The following EYA4 variants were observed in gnomAD, a reference collection of about 807,000 sequenced individuals.
EYA4 encodes EYA transcriptional coactivator and phosphatase 4.
In EYA4, 31 loss-of-function variants were observed where a neutral mutation model predicts 87.9. The observed-to-expected ratio is 0.35, with a 90% CI of 0.27 to 0.48. EYA4 has a LOEUF of 0.48. Among genes scored for constraint, EYA4 ranks in the 20% least tolerant of loss-of-function variants. The pLI, the probability that EYA4 is intolerant of heterozygous loss-of-function variation, is 0.99. For missense variants in EYA4, 678 were observed against 761.4 expected, an observed-to-expected ratio of 0.89 and a Z score of 1.29; for synonymous variants, 263 against 270.6, an observed-to-expected ratio of 0.97 and a Z score of 0.28.
intron 18 of EYA4, among the ~76,000 whole-genome samples, chr6:133,524,712 A>G (rs931780890): frequency 6.6e-6 from 1 of 152,224 alleles, no homozygotes; most frequent in African/African-American, 2.4e-5. Flanking sequence ...AGAATTAAAC[A>G]AAGGTTAAAA....
Position 133,417,783 on chromosome 6 carries a change from G to A in EYA4, c.84-28847G>A, listed in dbSNP as rs535028350. 4.6e-5 allele frequency among the ~76,000 whole-genome samples: 7 copies of A among 152,278 alleles called. No individual in the cohort carries two copies. In the South Asian group the frequency reaches 1.5e-3, roughly 32 times the overall value. ...CCTTTACATAGAAATAAGGCTCAAA[G>A]GGTTTAAATGTTTGCCTAAAGTCAT... On this transcript the variant is annotated intron_variant, in intron 3 of 19. Transcript: ENST00000355286.
At chr6:133,263,773 T>G (rs1775985116) in intron 1 of EYA4, among the ~76,000 whole-genome samples, 1 of 152,134 alleles carries the variant, frequency 6.6e-6, no homozygotes, top group Non-Finnish European at 1.5e-5. Context: ...GTGTTAGAAT[T>G]TAGTGTAATG....
At chr6:133,360,313 C>A (rs974490832) in intron 2 of EYA4, 1 of 152,086 alleles carries the variant, frequency 6.6e-6, no homozygotes, top group Non-Finnish European at 1.5e-5. Context: ...ACGACTTTTA[C>A]TTACTTTATT....
At chr6:133,528,577 T>A (rs1800815623) in intron 19 of EYA4, 148 bp from the exon 20 acceptor site, 2 of 768,636 alleles carry the variant, frequency 2.6e-6, no homozygotes, top group Non-Finnish European at 4.8e-6. Context: ...CATATGATCA[T>A]CCCGCCTTTA....
At chr6:133,496,630 T>C (rs765861167) in intron 13 of EYA4, among the ~76,000 whole-genome samples, 3 of 86,476 alleles carry the variant, frequency 3.5e-5, no homozygotes, top group African/African-American at 5.4e-5. Context: ...TGTGCCTGGC[T>C]GTGCCTAAGG....
intron 11 of EYA4, 122 bp downstream of exon 11, chr6:133,468,853 T>G (rs914888719): frequency 4.1e-6 from 4 of 970,140 alleles, no homozygotes; most frequent in Admixed American, 1.8e-5. Flanking sequence ...ATGTTTAATC[T>G]GTGTTAGCAT....
chr6:133,329,770 G>A (rs1055718241), intron 2 of EYA4, among the ~76,000 whole-genome samples: 1 of 152,062 alleles, frequency 6.6e-6, no homozygotes, highest in Non-Finnish European at 1.5e-5. Context: ...TGCTGTTGTA[G>A]TAGTGTACAA....
At chr6:133,290,038 C>G (rs1252706231) in intron 2 of EYA4, among the ~76,000 whole-genome samples, 1 of 152,200 alleles carries the variant, frequency 6.6e-6, no homozygotes, top group Non-Finnish European at 1.5e-5. Context: ...TAACTAGATT[C>G]TGAGCCCCAG....
chr6:133,526,479 A>G (rs1453386976), intron 19 of EYA4, among the ~76,000 whole-genome samples: 1 of 152,208 alleles, frequency 6.6e-6, no homozygotes, highest in Non-Finnish European at 1.5e-5. Context: ...GTCGATTTAA[A>G]TCAAGCAAAA....
intron 2 of EYA4, among the ~76,000 whole-genome samples, chr6:133,288,431 A>G (rs975995029): frequency 6.6e-6 from 1 of 152,204 alleles, no homozygotes; most frequent in Non-Finnish European, 1.5e-5. Context: ...GACTTGGAGG[A>G]GGAAAAAGAT....
chr6:133,428,911 C>CTGTTTTTTTTTTTTT (rs1790919198), intron 3 of EYA4, among the ~76,000 whole-genome samples: 1 of 48,230 alleles, frequency 2.1e-5, no homozygotes, highest in Non-Finnish European at 3.6e-5. Context: ...GATTTAGCTT[C>CTGTTTTTTTTTTTTT]TTTTTTTTTT....
At chr6:133,275,385 C>T (rs9385642) in intron 2 of EYA4, among the ~76,000 whole-genome samples, 44,025 of 151,906 alleles carry the variant, frequency 0.29, 6,630 homozygotes, top group Non-Finnish European at 0.33. Context: ...AGTTCTTTAG[C>T]GTGTGGAACT....
intron 7 of EYA4, among the ~76,000 whole-genome samples, chr6:133,461,755 G>T (rs1794402442): frequency 6.7e-6 from 1 of 150,124 alleles, no homozygotes; most frequent in Non-Finnish European, 1.5e-5. Context: ...CTGAAGGTTG[G>T]ATATCCAATG....
At chr6:133,526,309 G>A (rs1252895849) in intron 19 of EYA4, among the ~76,000 whole-genome samples, 2 of 152,158 alleles carry the variant, frequency 1.3e-5, no homozygotes, top group East Asian at 3.9e-4. Flanking sequence ...AATGTCATCT[G>A]TATCACCCTA....
At chr6:133,431,838 C>A (rs1395515210) in intron 3 of EYA4, among the ~76,000 whole-genome samples, 3 of 151,900 alleles carry the variant, frequency 2.0e-5, no homozygotes, top group Non-Finnish European at 4.4e-5. Context: ...TATTTAAAAA[C>A]TTTTTTGGCA....
chr6:133,531,383 A>C lies in EYA4; in HGVS notation c.*2578A>C. The C allele has an allele frequency of 6.6e-6, 4 of 602,468 alleles. No homozygotes were observed. Among genetic ancestry groups the C allele is most frequent in the Non-Finnish European group, 1.1e-5 (4 of 355,242 alleles). 37.3% of individuals were successfully genotyped at this position (602,468 alleles called of 1,614,324 possible). ...GAATAGAAAATCCTCTTCCTTTCTA[A>C]TCTGAAAAACGAAAACTGAACAAAC... On this transcript the variant is annotated 3_prime_UTR_variant, in exon 20 of 20. Coordinates refer to ENST00000355286, the MANE Select transcript of EYA4 (RefSeq NM_004100.5).
At chr6:133,455,231 T>C (rs1192064126) in intron 5 of EYA4, among the ~76,000 whole-genome samples, 5 of 152,152 alleles carry the variant, frequency 3.3e-5, no homozygotes, top group African/African-American at 1.2e-4. Context: ...TACTGAAAAG[T>C]AATAACCACC....
At chr6:133,368,872 A>G (rs942988955) in intron 2 of EYA4, among the ~76,000 whole-genome samples, 1 of 152,180 alleles carries the variant, frequency 6.6e-6, no homozygotes, top group Admixed American at 6.5e-5. Context: ...TGCTGTCCAA[A>G]CCTGAAATAG....
At chr6:133,400,208 C>T (rs982856937) in intron 3 of EYA4, among the ~76,000 whole-genome samples, 3 of 152,086 alleles carry the variant, frequency 2.0e-5, no homozygotes, top group African/African-American at 4.8e-5. Flanking sequence ...GATACAGATG[C>T]GAGTTAGAAA....
Sources: gnomAD v4.1 joint callset for allele counts (sites outside exome capture counted in the v4.1 genomes callset) on GRCh38, gnomAD v4.1.1 for gene constraint, MANE v1.5 for transcripts, NCBI Gene and HGNC (gene_info 2026-07-23, HGNC 2026-07-21) for gene names.